The following ADAM2 variants were observed in gnomAD, a reference collection of about 807,000 sequenced individuals.
The protein encoded by ADAM2 is ADAM metallopeptidase domain 2, also known as disintegrin and metalloproteinase domain-containing protein 2.
ADAM2 carries 101 observed loss-of-function variants against 99.3 expected under a neutral mutation model. That is an observed-to-expected ratio of 1.02 (90% CI 0.87 to 1.20). The LOEUF is 1.20. ADAM2 is among the 50% of genes most tolerant of loss of function. The pLI is 0.00. For synonymous variants in ADAM2, 323 were observed against 287.6 expected (o/e 1.12, Z -1.25); for missense variants, 948 against 878.7 (o/e 1.08, Z -1.00).
rs376893787 is a variant in ADAM2 at position 39,790,670 on chromosome 8, A to G, written c.571-1930T>C. 3.3e-5 allele frequency among the ~76,000 whole-genome samples: 5 copies of G among 152,142 alleles called. No individual in the cohort carries two copies. The South Asian group carries it at 6.2e-4, about 19-fold the overall frequency. On this transcript the variant is annotated intron_variant, in intron 7 of 20. Transcript: ENST00000265708. The stretch of plus-strand genomic sequence containing the variant: ...AAAACCATGGAATTTTACATTTCAC[A>G]TAGTTTAACATCATAAAATATAAGT...
At chr8:39,814,381 A>C (rs1355150869) in intron 6 of ADAM2, among the ~76,000 whole-genome samples, 1 of 151,992 alleles carries the variant, frequency 6.6e-6, no homozygotes, top group African/African-American at 2.4e-5. Flanking sequence ...AAAATCCACA[A>C]TAGCCAAGCC....
At chr8:39,833,828 T>C (rs982255296) in intron 3 of ADAM2, 116 bp downstream of exon 3, 4 of 690,304 alleles carry the variant, frequency 5.8e-6, no homozygotes, top group Non-Finnish European at 1.0e-5. Flanking sequence ...AAGGGATGAA[T>C]GAATGGCAAG....
At chr8:39,788,551 A>G in intron 8 of ADAM2, 118 bp downstream of exon 8, 1 of 689,602 alleles carries the variant, frequency 1.5e-6, no homozygotes. Context: ...AAAATTTAAA[A>G]TAAAACTTAA....
chr8:39,753,669 C>CA (rs1259406205), intron 16 of ADAM2, among the ~76,000 whole-genome samples: 1 of 152,184 alleles, frequency 6.6e-6, no homozygotes, highest in Non-Finnish European at 1.5e-5. Flanking sequence ...CCCTGCATCC[C>CA]AGCCACTCTA....
At chr8:39,829,502 G>C (rs924384528) in intron 3 of ADAM2, among the ~76,000 whole-genome samples, 1 of 151,832 alleles carries the variant, frequency 6.6e-6, no homozygotes, top group African/African-American at 2.4e-5. Context: ...ATCACAGTAG[G>C]ACATAAGTAT....
chr8:39,753,792 C>T (rs1802046100), intron 16 of ADAM2, among the ~76,000 whole-genome samples: 1 of 149,764 alleles, frequency 6.7e-6, no homozygotes, highest in Non-Finnish European at 1.5e-5. Context: ...ATAAATTTCA[C>T]AGGACCTATA....
At chr8:39,789,572 A>G (rs891922097) in intron 7 of ADAM2, among the ~76,000 whole-genome samples, 26 of 151,768 alleles carry the variant, frequency 1.7e-4, no homozygotes, top group Non-Finnish European at 4.4e-5. Context: ...AACCAAGACA[A>G]TTTGTTACTG....
rs115985072 is a variant in ADAM2, at chr8:39,786,712, A to G, written c.891+262T>C. 4.5e-3 allele frequency among the ~76,000 whole-genome samples: 686 copies of G among 152,262 alleles called. 7 individuals are homozygous for G. Among genetic ancestry groups the G allele is most frequent in the African/African-American group, 0.015 (644 of 41,584 alleles). ...AAATATTAAGATTATGAAAACTTGAAGAGCACTTTACAGTAAGACTAAACT... is the reference window on the plus strand; with the variant it reads ...AAATATTAAGATTATGAAAACTTGAGGAGCACTTTACAGTAAGACTAAACT... On this transcript the variant is annotated intron_variant, in intron 10 of 20. Transcript: ENST00000265708.
rs145140368 is a variant in ADAM2, at chr8:39,834,240, T to C, written c.133-241A>G. ...ATTTGTTTATTTTGAAATGTGTATG[T>C]TGATTTTATGACCTGCAACTTTATT... On this transcript the variant is annotated intron_variant, in intron 2 of 20. Transcript: ENST00000265708. Among the ~76,000 whole-genome samples, 15 of 152,298 alleles carry C rather than the reference T, an allele frequency of 9.8e-5. No individual in the cohort carries two copies. The East Asian group carries it at 2.9e-3, about 29-fold the overall frequency.
chr8:39,809,911 G>A (rs58875935), intron 6 of ADAM2, among the ~76,000 whole-genome samples: 189 of 152,240 alleles, frequency 1.2e-3, no homozygotes, highest in African/African-American at 4.2e-3. Context: ...CATAATGACA[G>A]GATCAAATTC....
intron 14 of ADAM2, among the ~76,000 whole-genome samples, chr8:39,765,564 C>A (rs140153863): frequency 1.3e-5 from 2 of 152,090 alleles, no homozygotes. Flanking sequence ...AATACACCAA[C>A]GATTGAGGAA....
chr8:39,813,977 A>T (rs972651285), intron 6 of ADAM2, among the ~76,000 whole-genome samples: 22 of 151,828 alleles, frequency 1.4e-4, no homozygotes, highest in African/African-American at 4.6e-4. Flanking sequence ...AAAGGTGGGC[A>T]GAAAAAAAAA....
rs1353680173 is a variant in ADAM2, at chr8:39,755,759, A to G, written c.1766T>C (p.Ile589Thr). 1 of 1,613,516 alleles carries G rather than the reference A, an allele frequency of 6.2e-7. No individual in the cohort carries two copies. The highest frequency in any genetic ancestry group is 8.5e-7 in the Non-Finnish European group (1 of 1,179,788). The stretch of plus-strand genomic sequence containing the variant: ...TGAACCACAAGAAGTTCCATCTTTT[A>G]TCCACATCTTTTGGCTGTCTGCATG... ...SDHADSQKMWIKDGTSCGSNK... is the reference protein window; with the variant it reads ...SDHADSQKMWTKDGTSCGSNK... The change falls in exon 16 of 21, where the codon ATA becomes ACA. Residue 589 changes from isoleucine to threonine, a missense_variant. Transcript: ENST00000265708.
intron 12 of ADAM2, among the ~76,000 whole-genome samples, chr8:39,767,894 A>T (rs544323219): frequency 1.7e-5 from 2 of 118,040 alleles, no homozygotes; most frequent in Non-Finnish European, 3.3e-5. Context: ...AAGACAATGC[A>T]TTCACACACA....
intron 12 of ADAM2, among the ~76,000 whole-genome samples, chr8:39,767,896 T>TCACA (rs57655234): frequency 0.35 from 51,389 of 147,638 alleles, 9,023 homozygotes; most frequent in South Asian, 0.54. Context: ...GACAATGCAT[T>TCACA]CACACACACA....
chr8:39,758,090 G>A (rs1401879305), intron 15 of ADAM2, among the ~76,000 whole-genome samples: 1 of 152,066 alleles, frequency 6.6e-6, no homozygotes, highest in Non-Finnish European at 1.5e-5. Flanking sequence ...TGTACTTTAT[G>A]GCACTTAATT....
intron 14 of ADAM2, among the ~76,000 whole-genome samples, chr8:39,763,058 G>C (rs1336915833): frequency 2.0e-5 from 3 of 152,122 alleles, no homozygotes; most frequent in African/African-American, 7.2e-5. Context: ...CTAATGAAGA[G>C]GTCACATCTC....
chr8:39,824,882 ATGGGG>A lies in ADAM2; in HGVS notation c.199_203del (p.Pro67Ter). The A allele has an allele frequency of 6.6e-7, 1 of 1,521,022 alleles. No homozygotes were observed. Among genetic ancestry groups the A allele is most frequent in the Non-Finnish European group, 9.1e-7 (1 of 1,104,112 alleles). 94.2% of individuals were successfully genotyped at this position (1,521,022 alleles called of 1,614,324 possible). On this transcript the variant is annotated frameshift_variant, in exon 4 of 21. Coordinates refer to ENST00000265708, the MANE Select transcript of ADAM2 (RefSeq NM_001464.5). LOFTEE classifies it high-confidence loss of function. ...CACTATAACTGTAAACTCTAAAATTATGGGGTAAAAAGTTTCTGTAACATAAAGAT... is the reference window on the plus strand; with the variant it reads ...CACTATAACTGTAAACTCTAAAATTATAAAAAGTTTCTGTAACATAAAGAT...
intron 7 of ADAM2, among the ~76,000 whole-genome samples, chr8:39,789,840 A>G (rs1478370332): frequency 1.3e-5 from 2 of 151,862 alleles, no homozygotes; most frequent in Non-Finnish European, 2.9e-5. Context: ...ATTTACAACT[A>G]ACAACAAAAA....
Sources: allele counts gnomAD v4.1 joint callset (sites outside exome capture counted in the v4.1 genomes callset), GRCh38; gene constraint gnomAD v4.1.1; transcripts MANE v1.5; gene names NCBI Gene and HGNC (gene_info 2026-07-23, HGNC 2026-07-21).